FOXP1: variants seen among roughly 807,000 people sequenced by gnomAD.
FOXP1 encodes forkhead box protein P1.
Under a neutral mutation model 98.2 loss-of-function variants are expected in FOXP1, and 15 were observed. The observed-to-expected ratio is 0.15, with a 90% CI of 0.10 to 0.24. The LOEUF is 0.24. Among genes scored for constraint, FOXP1 ranks in the 10% least tolerant of loss-of-function variants. FOXP1 has a pLI of 1.00. For synonymous variants in FOXP1, 371 were observed against 314.5 expected (o/e 1.18, Z -1.90); for missense variants, 633 against 848.5 (o/e 0.75, Z 3.15).
At chr3:70,998,861 C>T (rs1418266222) in intron 13 of FOXP1, among the ~76,000 whole-genome samples, 5 of 152,164 alleles carry the variant, frequency 3.3e-5, no homozygotes, top group East Asian at 1.9e-4. Flanking sequence ...TTGTGGAGAG[C>T]GAAGAATAAT....
At chr3:71,581,495 G>A in intron 2 of FOXP1, 54 bp downstream of exon 2, 3 of 985,456 alleles carry the variant, frequency 3.0e-6, no homozygotes, top group Non-Finnish European at 3.6e-6. Context: ...CCCTAGTGCC[G>A]CCTGGGGCTC....
intron 6 of FOXP1, among the ~76,000 whole-genome samples, chr3:71,167,848 T>C (rs1385455694): frequency 6.6e-6 from 1 of 152,258 alleles, no homozygotes; most frequent in African/African-American, 2.4e-5. Flanking sequence ...TTCCATTTTA[T>C]ATTTTTGTAT....
At chr3:71,267,441 T>C (rs939024678) in intron 5 of FOXP1, among the ~76,000 whole-genome samples, 2 of 152,160 alleles carry the variant, frequency 1.3e-5, no homozygotes, top group Non-Finnish European at 2.9e-5. Flanking sequence ...AAGAGTCATG[T>C]CCTTGAGGGC....
chr3:71,193,855 T>C (rs897076965), intron 6 of FOXP1, among the ~76,000 whole-genome samples: 1 of 152,214 alleles, frequency 6.6e-6, no homozygotes, highest in South Asian at 2.1e-4. Context: ...CCTCCTTCAA[T>C]GGTTCATTGG....
chr3:71,501,980 C>T (rs562631106), intron 2 of FOXP1, among the ~76,000 whole-genome samples: 6 of 152,218 alleles, frequency 3.9e-5, no homozygotes, highest in African/African-American at 1.2e-4. Context: ...GATGGTGGCA[C>T]GACAGCGCCT....
intron 6 of FOXP1, among the ~76,000 whole-genome samples, chr3:71,161,003 G>C (rs1166143407): frequency 6.6e-6 from 1 of 152,172 alleles, no homozygotes; most frequent in Non-Finnish European, 1.5e-5. Context: ...ACAAAGCATA[G>C]AGTATAAACA....
intron 6 of FOXP1, among the ~76,000 whole-genome samples, chr3:71,139,526 C>G (rs2059969429): frequency 6.6e-6 from 1 of 151,956 alleles, no homozygotes; most frequent in African/African-American, 2.4e-5. Flanking sequence ...TTGATCTACT[C>G]TGCCCTTGTT....
At chr3:71,210,705 G>A (rs2064390360) in intron 5 of FOXP1, 1 of 152,192 alleles carries the variant, frequency 6.6e-6, no homozygotes, top group South Asian at 2.1e-4. Context: ...CCCTATGGAT[G>A]ACTAGGAGGT....
chr3:71,438,636 C>T (rs544071998), intron 3 of FOXP1, among the ~76,000 whole-genome samples: 1 of 151,956 alleles, frequency 6.6e-6, no homozygotes, highest in Non-Finnish European at 1.5e-5. Flanking sequence ...CTCATTTATA[C>T]CCCCCAGCAG....
intron 11 of FOXP1, among the ~76,000 whole-genome samples, chr3:71,029,913 T>C (rs1324151371): frequency 1.3e-5 from 2 of 152,200 alleles, no homozygotes; most frequent in East Asian, 1.9e-4. Flanking sequence ...AATGAATAAA[T>C]AGCTTTAATA....
intron 3 of FOXP1, among the ~76,000 whole-genome samples, chr3:71,388,229 A>C (rs994903847): frequency 1.7e-4 from 26 of 152,220 alleles, no homozygotes; most frequent in African/African-American, 6.3e-4. Context: ...TCTGAGAGCT[A>C]GTAAGCTAAA....
intron 2 of FOXP1, chr3:71,571,981 T>C (rs1174693382): frequency 1.3e-5 from 2 of 152,236 alleles, no homozygotes; most frequent in African/African-American, 2.4e-5. Context: ...TATGGCTTTC[T>C]TACCATAAAG....
At chr3:71,507,970 A>G (rs1288828692) in intron 2 of FOXP1, among the ~76,000 whole-genome samples, 1 of 152,190 alleles carries the variant, frequency 6.6e-6, no homozygotes, top group African/African-American at 2.4e-5. Context: ...TGCAAAATCC[A>G]ATGAAGTGTT....
chr3:71,143,452 G>A (rs2108012926), intron 6 of FOXP1, among the ~76,000 whole-genome samples: 2 of 152,314 alleles, frequency 1.3e-5, no homozygotes, highest in South Asian at 2.1e-4. Context: ...TCTGGAAGAT[G>A]AAGCCAGAGG....
chr3:71,572,900 T>C (rs1188962610), intron 2 of FOXP1: 1 of 152,214 alleles, frequency 6.6e-6, no homozygotes, highest in African/African-American at 2.4e-5. Flanking sequence ...TTTGTAAATA[T>C]CAGCCTGATT....
chr3:71,081,798 A>G (rs1265512967), intron 7 of FOXP1, among the ~76,000 whole-genome samples: 1 of 151,048 alleles, frequency 6.6e-6, no homozygotes, highest in Admixed American at 6.5e-5. Flanking sequence ...CTATGTAGCT[A>G]GATTTTGTCA....
intron 6 of FOXP1, among the ~76,000 whole-genome samples, chr3:71,147,341 C>G (rs2060359222): frequency 6.6e-6 from 1 of 152,164 alleles, no homozygotes; most frequent in African/African-American, 2.4e-5. Context: ...TTGTCCACAC[C>G]TTCCTGTCTA....
chr3:71,128,936 C>A (rs926080953), intron 6 of FOXP1, among the ~76,000 whole-genome samples: 1 of 151,864 alleles, frequency 6.6e-6, no homozygotes, highest in Non-Finnish European at 1.5e-5. Context: ...TATCATAAGA[C>A]AATGCATTTA....
At chr3:71,130,546 G>A in intron 6 of FOXP1, 1 of 1,598,438 alleles carries the variant, frequency 6.3e-7, no homozygotes, top group Non-Finnish European at 8.5e-7. Flanking sequence ...TCTGCCTTTG[G>A]ATTTCCGTCT....
Sources: gnomAD v4.1 joint callset for allele counts (sites outside exome capture counted in the v4.1 genomes callset) on GRCh38, gnomAD v4.1.1 for gene constraint, MANE v1.5 for transcripts, NCBI Gene and HGNC (gene_info 2026-07-23, HGNC 2026-07-21) for gene names.